Variants in CAMSAP2 observed in about 807,000 individuals in gnomAD.
CAMSAP2 encodes calmodulin-regulated spectrin-associated protein 2.
Under a neutral mutation model 146.1 loss-of-function variants are expected in CAMSAP2, and 26 were observed. The ratio of observed to expected loss-of-function variants is 0.18; its 90% CI spans 0.13 to 0.25. The LOEUF is 0.25. Ranked by LOEUF, CAMSAP2 falls within the 10% of genes least tolerant of loss-of-function variation. CAMSAP2 has a pLI of 1.00. For missense variants in CAMSAP2, 1,381 were observed against 1,759.3 expected (o/e 0.78, Z 3.85); for synonymous variants, 499 against 596.6 (o/e 0.84, Z 2.38).
Position 200,857,431 on chromosome 1 carries a change from A to C in CAMSAP2, c.4131+7A>C, listed in dbSNP as rs1428744182. The C allele has an allele frequency of 1.9e-6, 3 of 1,573,132 alleles. No homozygotes were observed. Among genetic ancestry groups the C allele is most frequent in the Non-Finnish European group, 2.6e-6 (3 of 1,143,184 alleles). On this transcript the variant is annotated splice_region_variant and intron_variant, in intron 16 of 16. Transcript: ENST00000358823. This position sits in a 1 kb window ranked among gnomAD's most constrained non-coding sequence, Gnocchi z 4.7. The stretch of plus-strand genomic sequence containing the variant: ...GAAGAAAAAAATACTGGAGGTAAGC[A>C]TGTTTGCATGAAAATTAAATTTGGC...
chr1:200,854,397 T>A (rs1463143960), intron 13 of CAMSAP2, among the ~76,000 whole-genome samples: 4 of 152,214 alleles, frequency 2.6e-5, no homozygotes, highest in African/African-American at 9.6e-5. Context: ...ATAGTTATAC[T>A]AAACCTGAGG....
intron 4 of CAMSAP2, among the ~76,000 whole-genome samples, chr1:200,817,797 A>C (rs1452900312): frequency 6.6e-6 from 1 of 152,206 alleles, no homozygotes; most frequent in Non-Finnish European, 1.5e-5. Flanking sequence ...TGGTTAACTG[A>C]CTGGCTCCTG....
At chr1:200,846,625 T>C (rs984577204) in intron 8 of CAMSAP2, among the ~76,000 whole-genome samples, 2 of 152,220 alleles carry the variant, frequency 1.3e-5, no homozygotes, top group East Asian at 3.8e-4. Context: ...TGTGGAACTT[T>C]TGAGAAAGAA....
chr1:200,800,906 T>A (rs1263719663), intron 2 of CAMSAP2, among the ~76,000 whole-genome samples: 5 of 152,220 alleles, frequency 3.3e-5, no homozygotes, highest in Non-Finnish European at 5.9e-5. Flanking sequence ...AAGGATTTTA[T>A]TTCTCCTTCG....
chr1:200,827,971 G>A (rs968224466), intron 4 of CAMSAP2, among the ~76,000 whole-genome samples: 5 of 152,060 alleles, frequency 3.3e-5, no homozygotes, highest in Non-Finnish European at 5.9e-5. Flanking sequence ...CTTTGTGTGA[G>A]TAGTTACTTG....
In CAMSAP2 at chr1:200,739,663, C is replaced by T. The variant is rs1234305550; in HGVS notation, c.-165C>T. 2 of 513,762 alleles carry T rather than the reference C, an allele frequency of 3.9e-6. No individual in the cohort carries two copies. Among genetic ancestry groups the T allele is most frequent in the African/African-American group, 2.0e-5 (1 of 49,496 alleles). The allele number at this position is 513,762 out of a possible 1,614,324, so 31.8% of individuals were successfully genotyped here. Reference sequence around the variant, plus strand: ...GGCGGCTCCCGCGGGAGGCGGCAGGCGCGCGGCGCGGACAGCTGAGCTTCT... The same window carrying T: ...GGCGGCTCCCGCGGGAGGCGGCAGGTGCGCGGCGCGGACAGCTGAGCTTCT... On this transcript the variant is annotated 5_prime_UTR_variant, in exon 1 of 17. Coordinates refer to ENST00000358823, the MANE Select transcript of CAMSAP2 (RefSeq NM_203459.4). This position sits in a 1 kb window ranked among gnomAD's most constrained non-coding sequence, Gnocchi z 4.8.
chr1:200,741,367 C>T (rs1664169695), intron 1 of CAMSAP2, among the ~76,000 whole-genome samples: 2 of 152,214 alleles, frequency 1.3e-5, no homozygotes, highest in African/African-American at 4.8e-5. Context: ...CAAAGTGTTA[C>T]TGCCTTTATA....
chr1:200,777,336 A>G (rs1179286349), intron 2 of CAMSAP2, among the ~76,000 whole-genome samples: 1 of 152,160 alleles, frequency 6.6e-6, no homozygotes, highest in Non-Finnish European at 1.5e-5. Context: ...TGTAATGAAA[A>G]GGATTTAGAC....
intron 3 of CAMSAP2, among the ~76,000 whole-genome samples, chr1:200,808,764 A>G (rs901256850): frequency 1.3e-5 from 2 of 152,176 alleles, no homozygotes; most frequent in Admixed American, 1.3e-4. Context: ...ATAATTTTTA[A>G]AATGTTGAAC....
At chr1:200,820,872 A>G (rs1287604485) in intron 4 of CAMSAP2, among the ~76,000 whole-genome samples, 1 of 152,208 alleles carries the variant, frequency 6.6e-6, no homozygotes, top group East Asian at 1.9e-4. Flanking sequence ...CTAGCATCCC[A>G]TAGAATTAGT....
At chr1:200,830,107 T>C (rs1244136863) in intron 4 of CAMSAP2, among the ~76,000 whole-genome samples, 3 of 152,260 alleles carry the variant, frequency 2.0e-5, no homozygotes, top group African/African-American at 4.8e-5. Context: ...GCAAATAGCA[T>C]GTTCAAGTAC....
chr1:200,752,541 G>A (rs1007652036), intron 1 of CAMSAP2, among the ~76,000 whole-genome samples: 6 of 151,688 alleles, frequency 4.0e-5, no homozygotes, highest in Non-Finnish European at 8.8e-5. Flanking sequence ...ATTCAGATTT[G>A]CCAATTATGT....
At chr1:200,810,150 G>A (rs974479482) in intron 3 of CAMSAP2, among the ~76,000 whole-genome samples, 2 of 152,322 alleles carry the variant, frequency 1.3e-5, no homozygotes, top group Admixed American at 6.5e-5. Flanking sequence ...ATGAGGAGGT[G>A]TCTAGGGTGA....
chr1:200,807,541 G>A lies in CAMSAP2; in HGVS notation c.561+4G>A, dbSNP rs1386784308. On this transcript the variant is annotated splice_donor_region_variant and intron_variant, in intron 3 of 16. Coordinates refer to ENST00000358823, the MANE Select transcript of CAMSAP2 (RefSeq NM_203459.4). ...TGTCATGTACTGGATAAATAAGGTAGGATTATACTCACTTGAGTAAATCGC... is the reference window on the plus strand; with the variant it reads ...TGTCATGTACTGGATAAATAAGGTAAGATTATACTCACTTGAGTAAATCGC... 1 of 1,550,430 alleles carries A rather than the reference G, an allele frequency of 6.4e-7. No individual in the cohort carries two copies. Among genetic ancestry groups the A allele is most frequent in the East Asian group, 2.4e-5 (1 of 41,364 alleles).
chr1:200,840,292 A>AT (rs954412771), intron 6 of CAMSAP2, among the ~76,000 whole-genome samples: 17 of 150,282 alleles, frequency 1.1e-4, no homozygotes, highest in Middle Eastern at 3.2e-3. Context: ...CTTTCTTTTT[A>AT]TTTTTTTTTA....
chr1:200,796,673 C>CTTT (rs58160624), intron 2 of CAMSAP2, among the ~76,000 whole-genome samples: 3 of 142,522 alleles, frequency 2.1e-5, no homozygotes, highest in African/African-American at 7.7e-5. Context: ...TTTTTTTTGT[C>CTTT]TTTTTTTTTT....
intron 6 of CAMSAP2, among the ~76,000 whole-genome samples, chr1:200,837,704 A>G (rs558538733): frequency 3.2e-4 from 48 of 152,230 alleles, no homozygotes; most frequent in African/African-American, 1.1e-3. Flanking sequence ...CCTGTCCATG[A>G]GCATGGAATG....
chr1:200,785,710 CAG>C (rs147397241), intron 2 of CAMSAP2, among the ~76,000 whole-genome samples: 25,693 of 140,562 alleles, frequency 0.18, 2,884 homozygotes, highest in East Asian at 0.37. Flanking sequence ...TTTTTTGAGA[CAG>C]AGTCTTGCTC....
intron 1 of CAMSAP2, among the ~76,000 whole-genome samples, chr1:200,759,579 A>C (rs1664744025): frequency 6.6e-6 from 1 of 152,192 alleles, no homozygotes; most frequent in African/African-American, 2.4e-5. Flanking sequence ...GCCCAGCTGC[A>C]GATTTTTCGA....
Sources: gnomAD v4.1 joint callset for allele counts (sites outside exome capture counted in the v4.1 genomes callset) on GRCh38, gnomAD v4.1.1 for gene constraint, Gnocchi (gnomAD v3.1) non-coding constraint, MANE v1.5 for transcripts, NCBI Gene and HGNC (gene_info 2026-07-23, HGNC 2026-07-21) for gene names.